OSBPL6: variants seen among roughly 807,000 people sequenced by gnomAD.
The protein encoded by OSBPL6 is oxysterol-binding protein-related protein 6.
OSBPL6 carries 49 observed loss-of-function variants against 125.8 expected under a neutral mutation model. The ratio of observed to expected loss-of-function variants is 0.39; its 90% confidence interval spans 0.31 to 0.49. OSBPL6 has a LOEUF of 0.49. Ranked by LOEUF, OSBPL6 falls within the 20% of genes least tolerant of loss-of-function variation. OSBPL6 has a pLI of 0.88. For synonymous variants in OSBPL6, 394 were observed against 391.8 expected (o/e 1.01, Z -0.07); for missense variants, 986 against 1,135.4 (o/e 0.87, Z 1.89).
intron 3 of OSBPL6, among the ~76,000 whole-genome samples, chr2:178,318,753 C>T (rs1314650963): frequency 2.0e-5 from 3 of 152,164 alleles, no homozygotes; most frequent in Admixed American, 6.5e-5. Context: ...TGCTGGGTAA[C>T]GTGATGGTCA....
At chr2:178,351,503 T>C (rs928349461) in intron 12 of OSBPL6, among the ~76,000 whole-genome samples, 3 of 152,084 alleles carry the variant, frequency 2.0e-5, no homozygotes, top group Admixed American at 6.6e-5. Flanking sequence ...AATAAAATAC[T>C]TAGGAATAAA....
chr2:178,354,244 T>A (rs904750984), intron 12 of OSBPL6, among the ~76,000 whole-genome samples: 2 of 152,112 alleles, frequency 1.3e-5, no homozygotes, highest in African/African-American at 4.8e-5. Context: ...GAATATTAAC[T>A]TTAAACGTAA....
intron 1 of OSBPL6, among the ~76,000 whole-genome samples, chr2:178,259,308 T>C (rs2091983301): frequency 6.6e-6 from 1 of 152,150 alleles, no homozygotes; most frequent in Admixed American, 6.5e-5. Flanking sequence ...CAAATTCCGT[T>C]TGAGATTGTG....
At chr2:178,324,121 C>A in intron 3 of OSBPL6, 56 bp from the exon 4 acceptor site, 1 of 1,132,164 alleles carries the variant, frequency 8.8e-7, no homozygotes. Flanking sequence ...TCCCCATGCA[C>A]ATTCACATGA....
intron 1 of OSBPL6, among the ~76,000 whole-genome samples, chr2:178,242,776 T>G (rs2091342677): frequency 6.6e-6 from 1 of 152,148 alleles, no homozygotes. Flanking sequence ...ATGCGTTAAG[T>G]TTTTATCAAA....
intron 1 of OSBPL6, among the ~76,000 whole-genome samples, chr2:178,222,108 C>T (rs2090365713): frequency 6.6e-6 from 1 of 152,208 alleles, no homozygotes; most frequent in Admixed American, 6.5e-5. Context: ...GCAGCACGTT[C>T]TCTTCCAGCC....
chr2:178,315,692 G>C (rs913112372), intron 3 of OSBPL6, among the ~76,000 whole-genome samples: 1 of 152,128 alleles, frequency 6.6e-6, no homozygotes, highest in South Asian at 2.1e-4. Context: ...TCGTCTGTCA[G>C]ATCCAAGATT....
At chr2:178,208,629 T>TCCCTC (rs1251609721) in intron 1 of OSBPL6, among the ~76,000 whole-genome samples, 53 of 143,422 alleles carry the variant, frequency 3.7e-4, no homozygotes, top group Non-Finnish European at 3.2e-4. Context: ...CCTCTGTCTT[T>TCCCTC]CCCTCCCCTC....
At chr2:178,211,900 T>G (rs2089879860) in intron 1 of OSBPL6, among the ~76,000 whole-genome samples, 1 of 152,186 alleles carries the variant, frequency 6.6e-6, no homozygotes, top group African/African-American at 2.4e-5. Flanking sequence ...TGGCCTGGAC[T>G]CCACCAATTA....
intron 2 of OSBPL6, among the ~76,000 whole-genome samples, chr2:178,286,477 A>G (rs1684704382): frequency 6.6e-6 from 1 of 152,220 alleles, no homozygotes; most frequent in Admixed American, 6.6e-5. Flanking sequence ...TTATTATTTT[A>G]TATAAAATGT....
chr2:178,287,963 A>ATT lies in OSBPL6; in HGVS notation c.-156+2854_-156+2855dup, dbSNP rs11316513. Among the ~76,000 whole-genome samples the ATT allele has an allele frequency of 2.5e-3, 373 of 149,322 alleles. 2 individuals carry two copies. The highest frequency in any genetic ancestry group is 5.1e-3 in the East Asian group (26 of 5,060). ...TGTTGTTGACATATGAAACAGGTTG[A>ATT]TTTTTTTTTTTTTAAGTAAAACTAA... On this transcript the variant is annotated intron_variant, in intron 2 of 24. Transcript: ENST00000190611.
At chr2:178,331,704 C>T (rs1412713788) in intron 6 of OSBPL6, 99 bp downstream of exon 6, 1 of 1,275,386 alleles carries the variant, frequency 7.8e-7, no homozygotes, top group East Asian at 2.3e-5. Flanking sequence ...TAGTTACCAG[C>T]TTTGTGCATG....
At chr2:178,320,170 T>TAAGTGTCTCA (rs987812695) in intron 3 of OSBPL6, 10 of 1,294,108 alleles carry the variant, frequency 7.7e-6, no homozygotes, top group Non-Finnish European at 1.0e-5. Context: ...CAGCTATTAT[T>TAAGTGTCTCA]AAGTGTCTCA....
rs988343023 is a variant in OSBPL6 at position 178,401,483 on chromosome 2, C to A, written c.*5924C>A. The A allele has an allele frequency of 3.3e-5, 5 of 152,190 alleles. No individual in the cohort carries two copies. The highest frequency in any genetic ancestry group is 6.5e-5 in the Admixed American group (1 of 15,280). 9.4% of individuals were successfully genotyped at this position (152,190 alleles called of 1,614,324 possible). A position where few individuals can be genotyped will look rare whatever the true frequency, so the allele number is the denominator to read the frequency against. ...TTCCTTACATCCTGAGCCTAAAAGC[C>A]TTATTCCTTATATCCGGAGCCTAAA... On this transcript the variant is annotated 3_prime_UTR_variant, in exon 25 of 25. Transcript: ENST00000190611.
At chr2:178,223,270 G>C (rs1237612145) in intron 1 of OSBPL6, among the ~76,000 whole-genome samples, 1 of 152,118 alleles carries the variant, frequency 6.6e-6, no homozygotes, top group Non-Finnish European at 1.5e-5. Context: ...GCATTTTTCT[G>C]TATTGTGTTG....
intron 11 of OSBPL6, chr2:178,344,208 T>C (rs572429220): frequency 1.5e-6 from 2 of 1,290,344 alleles, no homozygotes; most frequent in Non-Finnish European, 2.2e-6. Flanking sequence ...CCTTGTCTGA[T>C]TATCTTTCAT....
chr2:178,242,527 C>T (rs2091331861), intron 1 of OSBPL6, among the ~76,000 whole-genome samples: 1 of 152,132 alleles, frequency 6.6e-6, no homozygotes, highest in African/African-American at 2.4e-5. Context: ...TCAAGTGTGG[C>T]GAGCCTGCTT....
intron 1 of OSBPL6, among the ~76,000 whole-genome samples, chr2:178,219,759 G>T (rs1358650664): frequency 2.6e-5 from 4 of 152,156 alleles, no homozygotes; most frequent in Non-Finnish European, 4.4e-5. Context: ...AGGTTCCAGT[G>T]GTAGACCTCA....
At chr2:178,339,992 CA>C (rs1008433335) in intron 11 of OSBPL6, among the ~76,000 whole-genome samples, 7 of 151,972 alleles carry the variant, frequency 4.6e-5, no homozygotes, top group African/African-American at 1.4e-4. Context: ...GATATGTGTT[CA>C]AAATGGCATT....
Sources: allele counts gnomAD v4.1 joint callset (sites outside exome capture counted in the v4.1 genomes callset), GRCh38; gene constraint gnomAD v4.1.1; transcripts MANE v1.5; gene names NCBI Gene and HGNC (gene_info 2026-07-23, HGNC 2026-07-21).